PRELID2: variants seen among roughly 807,000 people sequenced by gnomAD.
The protein encoded by PRELID2 is PRELI domain containing 2.
A neutral mutation model predicts 28.4 loss-of-function variants in PRELID2; 25 were observed. The ratio of observed to expected loss-of-function variants is 0.88; its 90% CI spans 0.64 to 1.23. PRELID2 has a LOEUF of 1.23. PRELID2 is among the 50% of genes most tolerant of loss of function. PRELID2 has a pLI of 0.00. For missense variants in PRELID2, 201 were observed against 214.4 expected, an observed-to-expected ratio of 0.94 and a Z score of 0.39; for synonymous variants, 76 against 71.6, an observed-to-expected ratio of 1.06 and a Z score of -0.31.
chr5:145,522,433 AAG>A (rs1444372813), intron 1 of PRELID2, among the ~76,000 whole-genome samples: 4 of 151,880 alleles, frequency 2.6e-5, no homozygotes, highest in African/African-American at 2.4e-5. Flanking sequence ...GAGAGAGAGA[AAG>A]AGAGACAGAG....
intron 1 of PRELID2, among the ~76,000 whole-genome samples, chr5:145,712,003 C>T (rs1259079264): frequency 6.6e-6 from 1 of 152,182 alleles, no homozygotes. Context: ...ACTCAAATCC[C>T]AAACCCTACT....
At chr5:145,723,429 C>T (rs1225932828) in intron 1 of PRELID2, among the ~76,000 whole-genome samples, 1 of 151,662 alleles carries the variant, frequency 6.6e-6, no homozygotes, top group African/African-American at 2.4e-5. Context: ...ATTATTGAGA[C>T]CATTTTGGAA....
chr5:145,465,721 G>A, the PRELID2 span, among the ~76,000 whole-genome samples: 1 of 152,138 alleles, frequency 6.6e-6, no homozygotes, highest in East Asian at 1.9e-4. Flanking sequence ...CAGTGAGTGA[G>A]TGCTGTGCTA....
At chr5:145,793,658 A>C (rs1242752871) in intron 5 of PRELID2, among the ~76,000 whole-genome samples, 1 of 152,192 alleles carries the variant, frequency 6.6e-6, no homozygotes, top group Non-Finnish European at 1.5e-5. Flanking sequence ...AATAAAAAGG[A>C]ATCACTTTAA....
chr5:145,409,278 A>C, the PRELID2 span, among the ~76,000 whole-genome samples: 1 of 152,188 alleles, frequency 6.6e-6, no homozygotes, highest in Non-Finnish European at 1.5e-5. Flanking sequence ...TAAAGCATAA[A>C]TCTCACAAGG....
chr5:145,661,670 A>T (rs1372191079), intron 1 of PRELID2, among the ~76,000 whole-genome samples: 3,995 of 143,774 alleles, frequency 0.028, 191 homozygotes, highest in African/African-American at 0.11. Context: ...AGCCATTAAA[A>T]AAAAAAAAAA....
intron 1 of PRELID2, among the ~76,000 whole-genome samples, chr5:145,580,347 A>C (rs563952464): frequency 6.6e-6 from 1 of 152,090 alleles, no homozygotes; most frequent in South Asian, 2.1e-4. Flanking sequence ...ATTTAATAGC[A>C]GGAGAGAAAC....
chr5:145,448,628 A>T, the PRELID2 span, among the ~76,000 whole-genome samples: 1 of 152,178 alleles, frequency 6.6e-6, no homozygotes, highest in Admixed American at 6.6e-5. Context: ...CAACAAGAAG[A>T]GCTAACTATC....
chr5:145,655,073 G>A (rs1268451410), intron 1 of PRELID2, among the ~76,000 whole-genome samples: 4 of 151,812 alleles, frequency 2.6e-5, no homozygotes, highest in East Asian at 3.9e-4. Context: ...AAATCAATGT[G>A]CAAAAATCAC....
the PRELID2 span, among the ~76,000 whole-genome samples, chr5:145,332,048 C>T: frequency 1.6e-3 from 244 of 152,238 alleles, no homozygotes; most frequent in African/African-American, 5.5e-3. Context: ...TGGCTAGATA[C>T]GAAATTCTTG....
chr5:145,370,794 G>C, the PRELID2 span, among the ~76,000 whole-genome samples: 1 of 151,988 alleles, frequency 6.6e-6, no homozygotes, highest in Non-Finnish European at 1.5e-5. Context: ...TTATCTCCTT[G>C]AGCAGTGGTT....
the PRELID2 span, among the ~76,000 whole-genome samples, chr5:145,301,517 T>C: frequency 6.6e-6 from 1 of 152,142 alleles, no homozygotes; most frequent in Non-Finnish European, 1.5e-5. Context: ...TTAAATGAAA[T>C]TTATCAGGTT....
At chr5:145,594,360 G>A (rs1185128053) in intron 1 of PRELID2, among the ~76,000 whole-genome samples, 1 of 151,950 alleles carries the variant, frequency 6.6e-6, no homozygotes, top group Non-Finnish European at 1.5e-5. Context: ...TTGAGTCAGT[G>A]TATATCTAGT....
At chr5:145,377,025 T>C in the PRELID2 span, among the ~76,000 whole-genome samples, 1 of 152,168 alleles carries the variant, frequency 6.6e-6, no homozygotes, top group Non-Finnish European at 1.5e-5. Context: ...GGATATTTAG[T>C]GCTATAAATT....
At chr5:145,282,465 A>C in the PRELID2 span, among the ~76,000 whole-genome samples, 1 of 151,728 alleles carries the variant, frequency 6.6e-6, no homozygotes, top group East Asian at 1.9e-4. Flanking sequence ...TTAACCAAAG[A>C]TACAGAAGCC....
At chr5:145,790,613 A>G (rs1238046100) in intron 5 of PRELID2, among the ~76,000 whole-genome samples, 1 of 151,544 alleles carries the variant, frequency 6.6e-6, no homozygotes, top group Non-Finnish European at 1.5e-5. Context: ...AAAATTGCTA[A>G]GAGTAAACTC....
intron 1 of PRELID2, among the ~76,000 whole-genome samples, chr5:145,727,735 A>T (rs1756213946): frequency 6.6e-6 from 1 of 152,202 alleles, no homozygotes; most frequent in African/African-American, 2.4e-5. Context: ...GTTACAATAC[A>T]AATAGATGGT....
intron 1 of PRELID2, among the ~76,000 whole-genome samples, chr5:145,626,135 A>T (rs1753841634): frequency 6.6e-6 from 1 of 152,182 alleles, no homozygotes; most frequent in African/African-American, 2.4e-5. Context: ...ATAATTTATG[A>T]CTAGGTCTTC....
At chr5:145,238,312 C>A in the PRELID2 span, among the ~76,000 whole-genome samples, 1 of 152,114 alleles carries the variant, frequency 6.6e-6, no homozygotes, top group Non-Finnish European at 1.5e-5. Flanking sequence ...GTTTGCTCAA[C>A]AAATAGAGCC....
Sources: gnomAD v4.1 joint callset for allele counts (sites outside exome capture counted in the v4.1 genomes callset) on GRCh38, gnomAD v4.1.1 for gene constraint, MANE v1.5 for transcripts, NCBI Gene and HGNC (gene_info 2026-07-23, HGNC 2026-07-21) for gene names.